UBALD1: variants seen among roughly 807,000 people sequenced by gnomAD.
The protein encoded by UBALD1 is UBA like domain containing 1.
A neutral mutation model predicts 16.1 loss-of-function variants in UBALD1; 5 were observed. The observed-to-expected ratio is 0.31, with a 90% CI of 0.16 to 0.66. The LOEUF (loss-of-function observed/expected upper bound fraction) is 0.66. Ranked by LOEUF, UBALD1 falls within the 30% of genes least tolerant of loss-of-function variation. UBALD1 has a pLI of 0.77. For missense variants in UBALD1, 220 were observed against 252.8 expected (o/e 0.87, Z 0.88); for synonymous variants, 146 against 105.3 (o/e 1.39, Z -2.37).
At chr16:4,610,230 C>G in intron 2 of UBALD1, 2 of 711,438 alleles carry the variant, frequency 2.8e-6, no homozygotes, top group South Asian at 3.0e-5. Flanking sequence ...CCCTTTCCAT[C>G]AGCCACAGCA....
Position 4,609,891 on chromosome 16 carries a change from G to T in UBALD1, c.276C>A (p.His92Gln). The T allele has an allele frequency of 1.3e-6, 2 of 1,574,164 alleles. No individual in the cohort carries two copies. The highest frequency in any genetic ancestry group is 8.6e-7 in the Non-Finnish European group (1 of 1,159,568). The change falls in exon 3 of 3, where the codon CAC (histidine) becomes CAA (glutamine). Residue 92 changes from histidine (H) to glutamine (Q), a missense_variant. Around this residue, in one of 2 missense-constraint regions of UBALD1, gnomAD observed 151 missense variants for 132.6 expected, o/e 1.14. Transcript: ENST00000283474. ...CCATCGGGCTGCCGCTGCCACCGCT[G>T]TGGAAGCTCTCGGAGGCCTTGAGAC... ...FSRLKASESF[H>Q]SGGSGSPMAA...
At chr16:4,614,224 T>C (rs571130773) in intron 1 of UBALD1, 166 of 323,688 alleles carry the variant, frequency 5.1e-4, no homozygotes, top group Non-Finnish European at 8.4e-4. Flanking sequence ...CAAATGCACA[T>C]GGACGTGTGC....
At chr16:4,610,832 C>A (rs1037810469) in intron 1 of UBALD1, 1 of 460,080 alleles carries the variant, frequency 2.2e-6, no homozygotes, top group African/African-American at 2.0e-5. Flanking sequence ...GCAGAGCCCT[C>A]CCCCTGCACC....
At chr16:4,610,053 G>T (rs1226869603) in intron 2 of UBALD1, 70 bp from the exon 3 acceptor site, 1 of 1,180,054 alleles carries the variant, frequency 8.5e-7, no homozygotes, top group Non-Finnish European at 1.2e-6. Context: ...CCTCCCAAGG[G>T]GAGATGCGTG....
chr16:4,610,710 ACC>A, intron 1 of UBALD1, 155 bp from the exon 2 acceptor site: 1 of 766,248 alleles, frequency 1.3e-6, no homozygotes, highest in Non-Finnish European at 2.1e-6. Context: ...CTTGCCTGTC[ACC>A]CCCAACCCTC....
chr16:4,610,760 T>C (rs1897349232), intron 1 of UBALD1: 3 of 573,574 alleles, frequency 5.2e-6, no homozygotes, highest in Non-Finnish European at 9.2e-6. Flanking sequence ...CCTTGGGCAG[T>C]TGGGGTGGGT....
At chr16:4,612,037 G>T (rs548165330) in intron 1 of UBALD1, among the ~76,000 whole-genome samples, 1 of 151,622 alleles carries the variant, frequency 6.6e-6, no homozygotes, top group Admixed American at 6.6e-5. Context: ...CCCTCGATCA[G>T]GGGGTATGGG....
intron 1 of UBALD1, among the ~76,000 whole-genome samples, chr16:4,612,197 G>A (rs1437919246): frequency 1.3e-5 from 2 of 151,678 alleles, no homozygotes; most frequent in Non-Finnish European, 2.9e-5. Context: ...CCGAGTAGCT[G>A]GGACTACAGG....
intron 1 of UBALD1, chr16:4,614,313 T>C (rs1198607291): frequency 1.1e-5 from 4 of 361,060 alleles, no homozygotes; most frequent in Non-Finnish European, 2.0e-5. Flanking sequence ...GGCCCAGCTC[T>C]GCCGAGGCCT....
In UBALD1 at chr16:4,614,857, T is replaced by C; in HGVS notation, c.-60A>G. Reference sequence around the variant, plus strand: ...TCCGCCCGCGCCTCCGCCTCACGCGTCCACCATTAGCGAGCCGGCTCCGGC... The same window carrying C: ...TCCGCCCGCGCCTCCGCCTCACGCGCCCACCATTAGCGAGCCGGCTCCGGC... On this transcript the variant is annotated 5_prime_UTR_variant, in exon 1 of 3. Coordinates refer to ENST00000283474, the MANE Select transcript of UBALD1 (RefSeq NM_145253.3). 1 of 1,417,792 alleles carries C rather than the reference T, an allele frequency of 7.1e-7. No individual in the cohort carries two copies. 87.8% of individuals were successfully genotyped at this position (1,417,792 alleles called of 1,614,324 possible).
rs1897322870 is a variant in UBALD1, at chr16:4,609,003, A to G, written c.*630T>C. The stretch of plus-strand genomic sequence containing the variant: ...CAGGCAGGCGCTGGGAGGCGGTGGG[A>G]AGAGTCCTGGAGTTTCCCACAATCC... On this transcript the variant is annotated 3_prime_UTR_variant, in exon 3 of 3. Transcript: ENST00000283474. 6.6e-6 allele frequency: 1 copy of G among 151,564 alleles called. No homozygotes were observed. The highest frequency in any genetic ancestry group is 2.1e-4 in the South Asian group (1 of 4,790). 9.4% of individuals were successfully genotyped at this position (151,564 alleles called of 1,614,324 possible). A position where few individuals can be genotyped will look rare whatever the true frequency, so the allele number is the denominator to read the frequency against.
chr16:4,610,006 A>AT (rs748613270), intron 2 of UBALD1, 23 bp from the exon 3 acceptor site: 1 of 1,525,954 alleles, frequency 6.6e-7, no homozygotes, highest in Non-Finnish European at 9.0e-7. Context: ...GAGAGGAGAG[A>AT]TGGGGTGAGC....
At chr16:4,614,492 C>G (rs1177849994) in intron 1 of UBALD1, 186 bp downstream of exon 1, 2 of 1,056,576 alleles carry the variant, frequency 1.9e-6, no homozygotes, top group Non-Finnish European at 2.5e-6. Flanking sequence ...CCGGTTCCCA[C>G]CTCCGCCCGC....
chr16:4,613,430 G>A (rs1201506651), intron 1 of UBALD1, among the ~76,000 whole-genome samples: 1 of 152,182 alleles, frequency 6.6e-6, no homozygotes, highest in African/African-American at 2.4e-5. Flanking sequence ...AGGAGAGAGG[G>A]ATGTACTCAT....
chr16:4,612,724 C>T (rs541493560), intron 1 of UBALD1, among the ~76,000 whole-genome samples: 3 of 152,292 alleles, frequency 2.0e-5, no homozygotes, highest in East Asian at 3.9e-4. Context: ...ATGCAGCCAG[C>T]GGGTGGAGCG....
chr16:4,610,658 T>C, intron 1 of UBALD1, 103 bp from the exon 2 acceptor site: 2 of 1,336,006 alleles, frequency 1.5e-6, no homozygotes, highest in Non-Finnish European at 2.1e-6. Flanking sequence ...CTGGCTGGAC[T>C]GCTGAGTGGG....
At position 4,609,533 on chromosome 16, in the gene UBALD1, A is replaced by C; in HGVS notation, c.*100T>G. The C allele has an allele frequency of 4.0e-6, 2 of 496,886 alleles. No homozygotes were observed. The highest frequency in any genetic ancestry group is 6.6e-6 in the Non-Finnish European group (2 of 305,322). 30.8% of individuals were successfully genotyped at this position (496,886 alleles called of 1,614,324 possible). ...GCTCTCCCCTCCAGGGCTCCGGGGA[A>C]CAAGGGGTGCAGACAGAAAAGGGGT... On this transcript the variant is annotated 3_prime_UTR_variant, in exon 3 of 3. Coordinates refer to ENST00000283474, the MANE Select transcript of UBALD1 (RefSeq NM_145253.3).
At chr16:4,613,789 A>T (rs1226506804) in intron 1 of UBALD1, among the ~76,000 whole-genome samples, 1 of 152,170 alleles carries the variant, frequency 6.6e-6, no homozygotes, top group East Asian at 1.9e-4. Context: ...CCTATGGGTT[A>T]GGAGAGGCCC....
rs1010315923 is a variant in UBALD1 at position 4,609,319 on chromosome 16, C to T, written c.*314G>A. 3.6e-5 allele frequency: 10 copies of T among 281,112 alleles called. No individual in the cohort carries two copies. The highest frequency in any genetic ancestry group is 1.1e-4 in the Admixed American group (2 of 18,830). The allele number at this position is 281,112 out of a possible 1,614,324, so 17.4% of individuals were successfully genotyped here. ...ATGTCTCTGCCAGGGTGGTCCTCCACGGCACCCCTGGGCTGGGCTGGGCAG... is the reference window on the plus strand; with the variant it reads ...ATGTCTCTGCCAGGGTGGTCCTCCATGGCACCCCTGGGCTGGGCTGGGCAG... On this transcript the variant is annotated 3_prime_UTR_variant, in exon 3 of 3. Transcript: ENST00000283474.
Sources: gnomAD v4.1 joint callset for allele counts (sites outside exome capture counted in the v4.1 genomes callset) on GRCh38, gnomAD v4.1.1 for gene constraint, gnomAD v4.1.1 regional missense constraint, MANE v1.5 for transcripts, NCBI Gene and HGNC (gene_info 2026-07-23, HGNC 2026-07-21) for gene names.